Variants in RPS6KC1 observed in about 807,000 individuals in gnomAD.
RPS6KC1 encodes ribosomal protein S6 kinase C1.
A neutral mutation model predicts 103.8 loss-of-function variants in RPS6KC1; 54 were observed. The ratio of observed to expected loss-of-function variants is 0.52; its 90% confidence interval spans 0.42 to 0.65. RPS6KC1 has a LOEUF of 0.65. Ranked by LOEUF, RPS6KC1 falls within the 30% of genes least tolerant of loss-of-function variation. RPS6KC1 has a pLI of 0.00. For missense variants in RPS6KC1, 1,151 were observed against 1,253.8 expected, an observed-to-expected ratio of 0.92 and a Z score of 1.24; for synonymous variants, 439 against 438.7, an observed-to-expected ratio of 1.00 and a Z score of -0.01.
the RPS6KC1 span, among the ~76,000 whole-genome samples, chr1:213,392,892 G>A: frequency 6.6e-6 from 1 of 152,176 alleles, no homozygotes; most frequent in Non-Finnish European, 1.5e-5. Context: ...TGTACCTAAA[G>A]TGCGGATGTT....
At chr1:213,628,911 C>A in the RPS6KC1 span, among the ~76,000 whole-genome samples, 1 of 152,042 alleles carries the variant, frequency 6.6e-6, no homozygotes, top group African/African-American at 2.4e-5. Context: ...GTTTCTTAAC[C>A]CTGAGTTCTG....
At chr1:213,365,221 C>G in the RPS6KC1 span, among the ~76,000 whole-genome samples, 17 of 152,320 alleles carry the variant, frequency 1.1e-4, no homozygotes, top group Admixed American at 4.6e-4. Flanking sequence ...TTGTATTTAT[C>G]ATTAAAAATG....
chr1:213,404,274 C>A, the RPS6KC1 span, among the ~76,000 whole-genome samples: 6 of 152,100 alleles, frequency 3.9e-5, no homozygotes, highest in African/African-American at 1.4e-4. Flanking sequence ...GAAGGAAGTT[C>A]TTTGAGCAAG....
chr1:213,241,563 C>T lies in RPS6KC1; in HGVS notation c.2087C>T (p.Pro696Leu). ...EGRPDLLVNL[P>L]GELESTREAA... ...AGACCTGATCTTCTTGTAAATTTACCTGGTGAATTGGAGTCAACAAGAGAA... is the reference window on the plus strand; with the variant it reads ...AGACCTGATCTTCTTGTAAATTTACTTGGTGAATTGGAGTCAACAAGAGAA... Residue 696 changes from proline to leucine, a missense_variant, in exon 11 of 15, where the codon CCT becomes CTT. Physicochemically the swap from Pro to Leu is moderately conservative, Grantham distance 98. Transcript: ENST00000366960. 1 of 1,613,880 alleles carries T rather than the reference C, an allele frequency of 6.2e-7. No homozygotes were observed. Among genetic ancestry groups the T allele is most frequent in the East Asian group, 2.2e-5 (1 of 44,868 alleles).
At position 213,064,898 on chromosome 1, in the gene RPS6KC1, A is replaced by G. The variant is rs2078175319; in HGVS notation, c.106-6108A>G. Among the ~76,000 whole-genome samples, 3 of 134,214 alleles carry G rather than the reference A, an allele frequency of 2.2e-5. No individual in the cohort carries two copies. The Admixed American group carries it at 2.4e-4, about 11-fold the overall frequency. The allele number at this position is 134,214 out of a possible 152,430, so 88.0% of individuals were successfully genotyped here. On this transcript the variant is annotated intron_variant, in intron 1 of 14. Coordinates refer to ENST00000366960, the MANE Select transcript of RPS6KC1 (RefSeq NM_012424.6). ...CACCGTGTTAGCCAGGATGGTCTTGATCTCCTGACCTTGTGATCCACCCGC... is the reference window on the plus strand; with the variant it reads ...CACCGTGTTAGCCAGGATGGTCTTGGTCTCCTGACCTTGTGATCCACCCGC...
chr1:213,750,508 C>A, the RPS6KC1 span, among the ~76,000 whole-genome samples: 7 of 152,104 alleles, frequency 4.6e-5, no homozygotes, highest in Non-Finnish European at 5.9e-5. Context: ...CGATGAGGAC[C>A]CCAGCCAGGG....
intron 2 of RPS6KC1, among the ~76,000 whole-genome samples, chr1:213,075,347 AT>A (rs1268320678): frequency 1.3e-5 from 2 of 152,130 alleles, no homozygotes; most frequent in South Asian, 2.1e-4. Flanking sequence ...TATGATTGTA[AT>A]TTGATATATT....
At chr1:213,280,201 T>G in the RPS6KC1 span, among the ~76,000 whole-genome samples, 2 of 152,056 alleles carry the variant, frequency 1.3e-5, no homozygotes, top group Non-Finnish European at 2.9e-5. Context: ...GGCAGTTGGA[T>G]AAAGAGAAAA....
At chr1:213,440,200 G>A in the RPS6KC1 span, among the ~76,000 whole-genome samples, 12 of 152,106 alleles carry the variant, frequency 7.9e-5, no homozygotes, top group South Asian at 1.9e-3. Context: ...AACTCCCTAC[G>A]AGCTCAAAAA....
Position 213,191,907 on chromosome 1 carries a change from C to T in RPS6KC1, c.1044+15415C>T, listed in dbSNP as rs147555139. Among the ~76,000 whole-genome samples, 122 of 152,150 alleles carry T rather than the reference C, an allele frequency of 8.0e-4. 1 individual carries two copies. Among genetic ancestry groups the T allele is most frequent in the African/African-American group, 2.6e-3 (109 of 41,518 alleles). On this transcript the variant is annotated intron_variant, in intron 8 of 14. Coordinates refer to ENST00000366960, the MANE Select transcript of RPS6KC1 (RefSeq NM_012424.6). Reference sequence around the variant, plus strand: ...CACTGCAACCTCCGCCTCCCATGTTCGAGCGATTCTCCTGAGTCAGCCTCC... The same window carrying T: ...CACTGCAACCTCCGCCTCCCATGTTTGAGCGATTCTCCTGAGTCAGCCTCC...
At chr1:213,162,872 G>A (rs1254722822) in intron 6 of RPS6KC1, among the ~76,000 whole-genome samples, 1 of 152,136 alleles carries the variant, frequency 6.6e-6, no homozygotes, top group Non-Finnish European at 1.5e-5. Flanking sequence ...AATTTCTAGG[G>A]TCACATGAAA....
intron 5 of RPS6KC1, among the ~76,000 whole-genome samples, chr1:213,119,821 A>C (rs1287592975): frequency 1.3e-5 from 2 of 152,042 alleles, no homozygotes; most frequent in Non-Finnish European, 2.9e-5. Flanking sequence ...GATGCTGTTC[A>C]AGGTGAACAG....
the RPS6KC1 span, among the ~76,000 whole-genome samples, chr1:213,457,841 C>T: frequency 6.6e-6 from 1 of 152,140 alleles, no homozygotes; most frequent in South Asian, 2.1e-4. Flanking sequence ...CATGTGCTTC[C>T]CCAAATTCAT....
the RPS6KC1 span, among the ~76,000 whole-genome samples, chr1:213,347,611 A>G: frequency 1.3e-5 from 2 of 152,076 alleles, no homozygotes; most frequent in Non-Finnish European, 2.9e-5. Flanking sequence ...GGCTGAGGCA[A>G]GAGAATCACT....
chr1:213,843,825 C>G, the RPS6KC1 span, among the ~76,000 whole-genome samples: 1 of 152,084 alleles, frequency 6.6e-6, no homozygotes, highest in Admixed American at 6.6e-5. Flanking sequence ...TTTTCTAACC[C>G]CTTCTGTTCT....
chr1:213,329,380 G>A, the RPS6KC1 span, among the ~76,000 whole-genome samples: 2 of 152,098 alleles, frequency 1.3e-5, no homozygotes, highest in African/African-American at 4.8e-5. Context: ...CTGGCAGGGA[G>A]AAGGCCAGAG....
the RPS6KC1 span, among the ~76,000 whole-genome samples, chr1:213,859,178 TAAGA>T: frequency 3.3e-5 from 5 of 152,298 alleles, no homozygotes; most frequent in African/African-American, 1.2e-4. Flanking sequence ...GTTAAAGTTG[TAAGA>T]AAGAGAGAAT....
the RPS6KC1 span, among the ~76,000 whole-genome samples, chr1:213,755,242 A>G: frequency 6.6e-6 from 1 of 152,198 alleles, no homozygotes; most frequent in African/African-American, 2.4e-5. Flanking sequence ...TTTTGTCATT[A>G]CTTTTAATGG....
intron 8 of RPS6KC1, among the ~76,000 whole-genome samples, chr1:213,209,432 A>T (rs2093439761): frequency 6.6e-6 from 1 of 152,152 alleles, no homozygotes; most frequent in African/African-American, 2.4e-5. Context: ...GTGGTGGCTC[A>T]TGCCTGTAAT....
Sources: allele counts gnomAD v4.1 joint callset (sites outside exome capture counted in the v4.1 genomes callset), GRCh38; gene constraint gnomAD v4.1.1; transcripts MANE v1.5; gene names NCBI Gene and HGNC (gene_info 2026-07-23, HGNC 2026-07-21).